The following DNAH1 variants were observed in gnomAD, a reference collection of about 807,000 sequenced individuals.
The protein encoded by DNAH1 is axonemal beta dynein heavy chain 1.
A neutral mutation model predicts 484.3 loss-of-function variants in DNAH1; 327 were observed. The ratio of observed to expected loss-of-function variants is 0.68; its 90% CI spans 0.62 to 0.74. The LOEUF (loss-of-function observed/expected upper bound fraction) is 0.74, where lower values mean the gene tolerates loss of function less well. DNAH1 is among the 30% of genes least tolerant of loss of function. The pLI, the probability that DNAH1 is intolerant of heterozygous loss-of-function variation, is 0.00. For synonymous variants in DNAH1, 2,192 were observed against 2,191.9 expected (o/e 1.00, Z 0.00); for missense variants, 5,052 against 5,546.8 (o/e 0.91, Z 2.83).
chr3:52,359,143 C>G, intron 25 of DNAH1, 103 bp from the exon 26 acceptor site: 1 of 1,480,894 alleles, frequency 6.8e-7, no homozygotes, highest in Non-Finnish European at 9.0e-7. Flanking sequence ...ACAACTGGAG[C>G]CAAGTCTGAA....
intron 44 of DNAH1, 41 bp downstream of exon 44, chr3:52,373,094 G>A: frequency 5.7e-6 from 9 of 1,579,846 alleles, no homozygotes; most frequent in Non-Finnish European, 7.7e-6. Flanking sequence ...AGGGCTACGC[G>A]TGCTGTGCAG....
chr3:52,326,403 A>T, intron 4 of DNAH1, 89 bp downstream of exon 4: 2 of 1,442,028 alleles, frequency 1.4e-6, no homozygotes, highest in Non-Finnish European at 1.9e-6. Context: ...CCAGGTGATA[A>T]TCCTCATGGC....
intron 9 of DNAH1, among the ~76,000 whole-genome samples, 199 bp from the exon 10 acceptor site, chr3:52,345,296 A>G (rs1472206148): frequency 6.6e-6 from 1 of 152,094 alleles, no homozygotes; most frequent in Non-Finnish European, 1.5e-5. Flanking sequence ...TCCTTTACCC[A>G]TCTCAGAGTA....
Position 52,396,509 on chromosome 3 carries a change from G to A in DNAH1, c.11401G>A (p.Gly3801Ser), listed in dbSNP as rs767425394. The A allele has an allele frequency of 1.2e-6, 2 of 1,610,974 alleles. No individual in the cohort carries two copies. The highest frequency in any genetic ancestry group is 1.7e-6 in the Non-Finnish European group (2 of 1,178,688). Residue 3801 changes from glycine (G) to serine (S), a missense_variant, in exon 71 of 78, where the codon GGT becomes AGT. By Grantham distance (56) the Gly-to-Ser change is moderately conservative. Transcript: ENST00000420323. Reference sequence around the variant, plus strand: ...CCTGCTGAAGTCCTATAGTAGCCTTGGTGAAGACTTCCTCAACTCCTGCCA... The same window carrying A: ...CCTGCTGAAGTCCTATAGTAGCCTTAGTGAAGACTTCCTCAACTCCTGCCA... ...ANLLKSYSSLGEDFLNSCHKV... is the reference protein window; with the variant it reads ...ANLLKSYSSLSEDFLNSCHKV...
At chr3:52,354,804 C>T (rs771624518) in intron 20 of DNAH1, 39 bp from the exon 21 acceptor site, 4 of 1,603,000 alleles carry the variant, frequency 2.5e-6, no homozygotes, top group Non-Finnish European at 2.6e-6. Flanking sequence ...TCAGGACCAG[C>T]CCCTCCCAGG....
At chr3:52,311,428 C>T (rs1559473730), upstream of DNAH1, among the ~76,000 whole-genome samples, 1 of 152,260 alleles carries the variant, frequency 6.6e-6, no homozygotes, top group East Asian at 1.9e-4. Flanking sequence ...TCTGCAGTTG[C>T]AGTCACAGAT....
rs370335501 is a variant in DNAH1, at chr3:52,391,062, C to A, written c.9741+8C>A. 3.8e-6 allele frequency: 6 copies of A among 1,571,220 alleles called. 1 individual carries two copies. The African/African-American group carries it at 4.1e-5, about 11-fold the overall frequency. On this transcript the variant is annotated splice_region_variant and intron_variant, in intron 61 of 77. Coordinates refer to ENST00000420323, the MANE Select transcript of DNAH1 (RefSeq NM_015512.5). ...AAATGGATCAAGAACATGGTGAGCC[C>A]ACCCACCAGGCACCACCACCCCACC...
In DNAH1 at chr3:52,395,753, G is replaced by A; in HGVS notation, c.11259+75G>A. 1 of 1,544,376 alleles carries A rather than the reference G, an allele frequency of 6.5e-7. No individual in the cohort carries two copies. The highest frequency in any genetic ancestry group is 8.8e-7 in the Non-Finnish European group (1 of 1,139,940). On this transcript the variant is annotated intron_variant, in intron 70 of 77. Transcript: ENST00000420323. The surrounding 1 kb of genome is among the most constrained non-coding windows in gnomAD (Gnocchi z 4.4). Reference sequence around the variant, plus strand: ...TCAGGGACTAATGAGGCAGAAATAAGAGAATCATGCCAAGCACTCTGCCCA... The same window carrying A: ...TCAGGGACTAATGAGGCAGAAATAAAAGAATCATGCCAAGCACTCTGCCCA...
chr3:52,351,778 G>A (rs1280613629), intron 16 of DNAH1, among the ~76,000 whole-genome samples, 184 bp from the exon 17 acceptor site: 3 of 152,166 alleles, frequency 2.0e-5, no homozygotes, highest in Non-Finnish European at 4.4e-5. Context: ...TGGCAGTCGC[G>A]CCTCCCAGCT....
At position 52,379,943 on chromosome 3, in the gene DNAH1, C is replaced by T; in HGVS notation, c.7416C>T (p.Asn2472=). The change falls in exon 48 of 78, where the codon AAC becomes AAT. Residue 2472 remains asparagine (N), a synonymous_variant. Transcript: ENST00000420323. This position sits in a 1 kb window ranked among gnomAD's most constrained non-coding sequence, Gnocchi z 4.4. ...VQLLRLWYHE[N]CRVFRDRLVN... Reference sequence around the variant, plus strand: ...TGCTGCGACTGTGGTATCACGAGAACTGCCGCGTGTTCCGGGACCGACTGG... The same window carrying T: ...TGCTGCGACTGTGGTATCACGAGAATTGCCGCGTGTTCCGGGACCGACTGG... 5 of 1,576,624 alleles carry T rather than the reference C, an allele frequency of 3.2e-6. No homozygotes were observed. The East Asian group carries it at 9.4e-5, about 30-fold the overall frequency.
chr3:52,313,594 T>C (rs1700861473), upstream of DNAH1, among the ~76,000 whole-genome samples: 1 of 152,116 alleles, frequency 6.6e-6, no homozygotes, highest in Non-Finnish European at 1.5e-5. Context: ...ACTGCCACCC[T>C]AGCTGTTTGA....
Position 52,370,532 on chromosome 3 carries a change from C to A in DNAH1, c.6314C>A (p.Pro2105His), listed in dbSNP as rs1429810567. 6.2e-7 allele frequency: 1 copy of A among 1,613,972 alleles called. No individual in the cohort carries two copies. The highest frequency in any genetic ancestry group is 8.5e-7 in the Non-Finnish European group (1 of 1,179,888). ...AGTCGCATCGTAGAGTTGATCGAGC[C>A]CTGGTTCATCTTCTCCCTGATCTGG... is the stretch of plus-strand genomic sequence containing the variant. ...KLSRIVELIE[P>H]WFIFSLIWSV... Residue 2105 changes from proline (P) to histidine (H), a missense_variant, in exon 40 of 78, where the codon CCC (proline) becomes CAC (histidine). This residue lies in a region of DNAH1 where 2,929 missense variants were observed against 3,409.4 expected (regional missense o/e 0.86). Coordinates refer to ENST00000420323, the MANE Select transcript of DNAH1 (RefSeq NM_015512.5).
intron 46 of DNAH1, among the ~76,000 whole-genome samples, chr3:52,376,334 G>C (rs915180238): frequency 6.6e-6 from 1 of 152,232 alleles, no homozygotes; most frequent in African/African-American, 2.4e-5. Flanking sequence ...CAGGAAAGCC[G>C]GGAGTGGTTT....
At chr3:52,375,541 C>T in intron 45 of DNAH1, 128 bp downstream of exon 45, 1 of 983,576 alleles carries the variant, frequency 1.0e-6, no homozygotes, top group Non-Finnish European at 1.5e-6. Context: ...CTGGGTTCAC[C>T]TCTCACTCAG....
rs1022465848 is a variant in DNAH1, at chr3:52,371,898, G to A, written c.6526-48G>A. 5.0e-6 allele frequency: 8 copies of A among 1,599,550 alleles called. No individual in the cohort carries two copies. The African/African-American group carries it at 9.4e-5, about 19-fold the overall frequency. ...GGCCATGGGGCCGCAGCCAGGAGTG[G>A]GGCAGGGAGGGGTTCCAGGCCCACT... On this transcript the variant is annotated intron_variant, in intron 41 of 77. Transcript: ENST00000420323.
At chr3:52,343,939 C>T (rs1242116840) in intron 8 of DNAH1, among the ~76,000 whole-genome samples, 2 of 152,104 alleles carry the variant, frequency 1.3e-5, no homozygotes, top group Non-Finnish European at 2.9e-5. Flanking sequence ...GGTGTGCACG[C>T]TCACCCCAGG....
intron 3 of DNAH1, 67 bp from the exon 4 acceptor site, chr3:52,326,072 TG>T (rs1368474731): frequency 8.0e-6 from 11 of 1,370,522 alleles, no homozygotes; most frequent in Non-Finnish European, 2.9e-6. Flanking sequence ...ATTTATTTTA[TG>T]GGGTGGAGGC....
chr3:52,327,792 C>A, intron 5 of DNAH1, 90 bp from the exon 6 acceptor site: 1 of 1,511,232 alleles, frequency 6.6e-7, no homozygotes, highest in Non-Finnish European at 9.1e-7. Flanking sequence ...GAGGGTATTA[C>A]TTAGGCACCC....
chr3:52,354,834 C>G lies in DNAH1; in HGVS notation c.3481-9C>G. The G allele has an allele frequency of 6.2e-7, 1 of 1,612,788 alleles. No homozygotes were observed. ...CCCAGGACTCAGCCTGGCTTGTCCCCGACCCCAGGCACTGGACAAGATGGA... is the reference window on the plus strand; with the variant it reads ...CCCAGGACTCAGCCTGGCTTGTCCCGGACCCCAGGCACTGGACAAGATGGA... On this transcript the variant is annotated splice_polypyrimidine_tract_variant and intron_variant, in intron 20 of 77. Coordinates refer to ENST00000420323, the MANE Select transcript of DNAH1 (RefSeq NM_015512.5).
Sources: gnomAD v4.1 joint callset for allele counts (sites outside exome capture counted in the v4.1 genomes callset) on GRCh38, gnomAD v4.1.1 for gene constraint, gnomAD v4.1.1 regional missense constraint, Gnocchi (gnomAD v3.1) non-coding constraint, MANE v1.5 for transcripts, NCBI Gene and HGNC (gene_info 2026-07-23, HGNC 2026-07-21) for gene names.